Variants in LAMA2 observed in about 807,000 individuals in gnomAD.
LAMA2 encodes laminin subunit alpha 2.
In LAMA2, 269 loss-of-function variants were observed where a neutral mutation model predicts 364.8. That is an observed-to-expected ratio of 0.74 (90% confidence interval 0.67 to 0.82). The LOEUF (loss-of-function observed/expected upper bound fraction) is 0.82. Ranked by LOEUF, LAMA2 falls within the 40% of genes least tolerant of loss-of-function variation. The probability of loss-of-function intolerance (pLI) is 0.00; values close to 1 mark genes in which losing one functional copy is unlikely to be tolerated. For missense variants in LAMA2, 3,807 were observed against 3,873.2 expected (o/e 0.98, Z 0.45); for synonymous variants, 1,379 against 1,370.6 (o/e 1.01, Z -0.14).
intron 22 of LAMA2, among the ~76,000 whole-genome samples, chr6:129,303,336 G>A (rs1366815203): frequency 6.6e-6 from 1 of 151,760 alleles, no homozygotes. Context: ...TTTCTTTTTG[G>A]TCCATTTAGT....
chr6:129,012,950 T>C (rs1477168737), intron 1 of LAMA2, among the ~76,000 whole-genome samples: 1 of 152,172 alleles, frequency 6.6e-6, no homozygotes, highest in Non-Finnish European at 1.5e-5. Flanking sequence ...TTACAGTGAT[T>C]CCTCAATGAG....
At chr6:129,236,416 G>A (rs1315955822) in intron 12 of LAMA2, among the ~76,000 whole-genome samples, 1 of 151,990 alleles carries the variant, frequency 6.6e-6, no homozygotes, top group Non-Finnish European at 1.5e-5. Context: ...CCCTTCCCTT[G>A]TTTTCTTCAA....
At chr6:129,502,241 G>A (rs1785703746) in intron 58 of LAMA2, among the ~76,000 whole-genome samples, 1 of 152,162 alleles carries the variant, frequency 6.6e-6, no homozygotes, top group African/African-American at 2.4e-5. Context: ...ATGGAAATGG[G>A]GAGGGCAAGA....
At chr6:129,175,132 A>C (rs1014129428) in intron 9 of LAMA2, among the ~76,000 whole-genome samples, 4 of 152,200 alleles carry the variant, frequency 2.6e-5, no homozygotes, top group Non-Finnish European at 5.9e-5. Flanking sequence ...ACTAATATCA[A>C]ACAATATTTA....
chr6:129,214,694 G>A (rs1245666034), intron 12 of LAMA2, among the ~76,000 whole-genome samples: 1 of 152,094 alleles, frequency 6.6e-6, no homozygotes, highest in East Asian at 1.9e-4. Flanking sequence ...TTTATACTAA[G>A]TCTTGAAGTT....
intron 8 of LAMA2, among the ~76,000 whole-genome samples, chr6:129,163,364 T>A (rs1469894814): frequency 6.6e-6 from 1 of 152,188 alleles, no homozygotes; most frequent in East Asian, 1.9e-4. Context: ...CCGGGCACAG[T>A]GGTTCACCCC....
At chr6:129,042,950 T>C (rs372814981) in intron 1 of LAMA2, among the ~76,000 whole-genome samples, 1 of 152,192 alleles carries the variant, frequency 6.6e-6, no homozygotes, top group East Asian at 1.9e-4. Flanking sequence ...GGTTTGGCTA[T>C]TATGATAAAA....
intron 20 of LAMA2, 78 bp from the exon 21 acceptor site, chr6:129,297,607 A>G (rs1339020874): frequency 7.4e-7 from 1 of 1,347,820 alleles, no homozygotes; most frequent in Non-Finnish European, 1.1e-6. Flanking sequence ...TTCCCACCTG[A>G]TCTTTGGTAT....
chr6:129,473,754 T>A (rs369882354), intron 52 of LAMA2, among the ~76,000 whole-genome samples: 6 of 152,058 alleles, frequency 3.9e-5, no homozygotes, highest in Admixed American at 1.3e-4. Flanking sequence ...TATAACCTAT[T>A]TTATTGCTAA....
chr6:128,920,902 G>T (rs1778667727), intron 1 of LAMA2, among the ~76,000 whole-genome samples: 1 of 152,114 alleles, frequency 6.6e-6, no homozygotes, highest in Admixed American at 6.6e-5. Flanking sequence ...GAAAAGGGCT[G>T]ATTATTGAAT....
At chr6:129,280,461 A>G (rs966688010) in intron 18 of LAMA2, among the ~76,000 whole-genome samples, 5 of 152,180 alleles carry the variant, frequency 3.3e-5, no homozygotes, top group Admixed American at 3.3e-4. Context: ...TTTAAGATTT[A>G]TCTTACTGTC....
At chr6:129,480,057 A>T (rs982357316) in intron 54 of LAMA2, among the ~76,000 whole-genome samples, 4 of 152,224 alleles carry the variant, frequency 2.6e-5, no homozygotes, top group Non-Finnish European at 4.4e-5. Flanking sequence ...ATGATTCCCT[A>T]AAGGCACTTT....
chr6:129,317,447 T>C (rs1774683029), intron 27 of LAMA2, among the ~76,000 whole-genome samples: 2 of 152,180 alleles, frequency 1.3e-5, no homozygotes, highest in Non-Finnish European at 2.9e-5. Flanking sequence ...ACCTTTTATT[T>C]CATGCAGAAG....
At chr6:129,311,270 C>T (rs577006929) in intron 22 of LAMA2, among the ~76,000 whole-genome samples, 2 of 152,104 alleles carry the variant, frequency 1.3e-5, no homozygotes, top group African/African-American at 2.4e-5. Context: ...TACAGGCGTC[C>T]GCCACCACGC....
At chr6:129,304,313 C>G (rs750116306) in intron 22 of LAMA2, among the ~76,000 whole-genome samples, 2 of 152,030 alleles carry the variant, frequency 1.3e-5, no homozygotes, top group Non-Finnish European at 2.9e-5. Flanking sequence ...CCCCCAGGCT[C>G]GAGTGCAGTG....
Position 129,427,859 on chromosome 6 carries a change from G to A in LAMA2, c.5968+5G>A, listed in dbSNP as rs1462533216. The A allele has an allele frequency of 6.3e-7, 1 of 1,576,294 alleles. No homozygotes were observed. Among genetic ancestry groups the A allele is most frequent in the Admixed American group, 1.7e-5 (1 of 59,942 alleles). On this transcript the variant is annotated splice_donor_5th_base_variant and intron_variant, in intron 41 of 64. Coordinates refer to ENST00000421865, the MANE Select transcript of LAMA2 (RefSeq NM_000426.4). ...AGTTAGCAAATGATGTAAAAGGTCA[G>A]TGTGGCCATAGTTTTTATTATATTC...
At chr6:129,306,495 A>G (rs1773886460) in intron 22 of LAMA2, among the ~76,000 whole-genome samples, 1 of 151,628 alleles carries the variant, frequency 6.6e-6, no homozygotes, top group Non-Finnish European at 1.5e-5. Flanking sequence ...CTGTAGGATT[A>G]TAGTTTTCAT....
chr6:129,421,278 ACT>A (rs1279036814), intron 40 of LAMA2, among the ~76,000 whole-genome samples: 11 of 151,782 alleles, frequency 7.2e-5, no homozygotes, highest in Admixed American at 2.0e-4. Flanking sequence ...ATAAAAATAG[ACT>A]CTGTTTTGCA....
chr6:129,243,861 GAA>G (rs1785557217), intron 12 of LAMA2, among the ~76,000 whole-genome samples: 1 of 151,246 alleles, frequency 6.6e-6, no homozygotes, highest in Admixed American at 6.6e-5. Flanking sequence ...AAGAAAAGAA[GAA>G]GAAGAAGGAG....
Sources: gnomAD v4.1 joint callset for allele counts (sites outside exome capture counted in the v4.1 genomes callset) on GRCh38, gnomAD v4.1.1 for gene constraint, MANE v1.5 for transcripts, NCBI Gene and HGNC (gene_info 2026-07-23, HGNC 2026-07-21) for gene names.